Variants in KLHL20 observed in about 807,000 individuals in gnomAD.
KLHL20 encodes kelch-like protein 20.
In KLHL20, 29 loss-of-function variants were observed where a neutral mutation model predicts 69.5. That is an observed-to-expected ratio of 0.42 (90% confidence interval 0.31 to 0.57). The LOEUF is 0.57. Among genes scored for constraint, KLHL20 ranks in the 20% least tolerant of loss-of-function variants. The pLI, the probability that KLHL20 is intolerant of heterozygous loss-of-function variation, is 0.18. For missense variants in KLHL20, 419 were observed against 776.0 expected, an observed-to-expected ratio of 0.54 and a Z score of 5.47; for synonymous variants, 253 against 265.2, an observed-to-expected ratio of 0.95 and a Z score of 0.45.
At chr1:173,738,204 ATTTG>A (rs1201265558) in intron 3 of KLHL20, among the ~76,000 whole-genome samples, 1 of 151,636 alleles carries the variant, frequency 6.6e-6, no homozygotes, top group Admixed American at 6.6e-5. Flanking sequence ...TCTTTATTTC[ATTTG>A]TTTGTTTGTT....
At chr1:173,728,391 A>C (rs534629145) in intron 2 of KLHL20, among the ~76,000 whole-genome samples, 19 of 152,196 alleles carry the variant, frequency 1.2e-4, no homozygotes, top group Non-Finnish European at 2.6e-4. Context: ...CACCAAGTGG[A>C]CCTAATAGAC....
chr1:173,758,790 G>A (rs1673664927), intron 7 of KLHL20, among the ~76,000 whole-genome samples: 1 of 152,220 alleles, frequency 6.6e-6, no homozygotes, highest in Non-Finnish European at 1.5e-5. Flanking sequence ...AGGGTGGCCA[G>A]AGGAGCAGGG....
At chr1:173,730,968 T>C (rs1411750948) in intron 2 of KLHL20, among the ~76,000 whole-genome samples, 4 of 151,956 alleles carry the variant, frequency 2.6e-5, no homozygotes, top group Admixed American at 2.0e-4. Context: ...TGCAATCTAC[T>C]CATCTGACAA....
intron 2 of KLHL20, among the ~76,000 whole-genome samples, chr1:173,726,659 C>G (rs1671979717): frequency 6.6e-6 from 1 of 152,188 alleles, no homozygotes; most frequent in South Asian, 2.1e-4. Context: ...GGACCTCCAG[C>G]AAACTCCAAC....
intron 2 of KLHL20, among the ~76,000 whole-genome samples, chr1:173,721,797 CTT>C (rs1176322119): frequency 1.3e-5 from 2 of 152,182 alleles, no homozygotes; most frequent in African/African-American, 4.8e-5. Flanking sequence ...AGAAGTGACA[CTT>C]TGAGATGTTA....
At chr1:173,730,481 T>C (rs1337413037) in intron 2 of KLHL20, among the ~76,000 whole-genome samples, 1 of 152,078 alleles carries the variant, frequency 6.6e-6, no homozygotes, top group Non-Finnish European at 1.5e-5. Context: ...ACTACAAGGC[T>C]ACAGTAACCA....
Position 173,733,900 on chromosome 1 carries a change from G to A in KLHL20, c.211G>A (p.Val71Met), listed in dbSNP as rs1183035759. 2 of 1,614,146 alleles carry A rather than the reference G, an allele frequency of 1.2e-6. No homozygotes were observed. The highest frequency in any genetic ancestry group is 1.1e-5 in the South Asian group (1 of 91,080). ...AAAGCACCGGGAGCTATGTGATGTG[G>A]TGCTAGTTGTGGGCGCCAAGAAGAT... ...LRKHRELCDV[V>M]LVVGAKKIYA... The change falls in exon 3 of 12, where the codon GTG becomes ATG. Residue 71 changes from valine (V) to methionine (M), a missense_variant. Coordinates refer to ENST00000209884, the MANE Select transcript of KLHL20 (RefSeq NM_014458.4).
Position 173,775,338 on chromosome 1 carries a change from C to T in KLHL20, c.1430-296C>T, listed in dbSNP as rs1166996287. 3.3e-5 allele frequency among the ~76,000 whole-genome samples: 5 copies of T among 152,104 alleles called. No homozygotes were observed. The East Asian group carries it at 5.8e-4, about 18-fold the overall frequency. On this transcript the variant is annotated intron_variant, in intron 9 of 11. Coordinates refer to ENST00000209884, the MANE Select transcript of KLHL20 (RefSeq NM_014458.4). ...TCATGTAGTCAGGCTCCCCATTTAA[C>T]GATAAGGAGAGTGAGGCTGAGAGTC...
intron 8 of KLHL20, among the ~76,000 whole-genome samples, chr1:173,770,809 G>A (rs61827862): frequency 0.1 from 15,321 of 151,734 alleles, 1,043 homozygotes; most frequent in East Asian, 0.23. Flanking sequence ...ACCAAAGGGA[G>A]GAAACAGAAT....
At chr1:173,724,428 A>G (rs1671859327) in intron 2 of KLHL20, among the ~76,000 whole-genome samples, 2 of 152,324 alleles carry the variant, frequency 1.3e-5, no homozygotes, top group African/African-American at 4.8e-5. Flanking sequence ...CACAGTCTAT[A>G]GCAAAATGCT....
At chr1:173,767,557 A>G (rs1248817756) in intron 8 of KLHL20, among the ~76,000 whole-genome samples, 1 of 152,028 alleles carries the variant, frequency 6.6e-6, no homozygotes, top group Non-Finnish European at 1.5e-5. Flanking sequence ...TTTGTTATCT[A>G]TCTTTTTTAA....
At chr1:173,720,181 A>G (rs1294851549) in intron 2 of KLHL20, among the ~76,000 whole-genome samples, 3 of 152,242 alleles carry the variant, frequency 2.0e-5, no homozygotes, top group Non-Finnish European at 4.4e-5. Context: ...ATAGAGATGT[A>G]AACTTAAGAG....
intron 5 of KLHL20, 109 bp downstream of exon 5, chr1:173,753,416 A>G (rs1053401326): frequency 7.9e-5 from 62 of 785,524 alleles, no homozygotes; most frequent in Non-Finnish European, 1.2e-4. Flanking sequence ...AGCTGAAACC[A>G]GGGCTTTAAT....
chr1:173,715,645 G>A, intron 1 of KLHL20: 1 of 175,432 alleles, frequency 5.7e-6, no homozygotes. Flanking sequence ...TACCCTATGT[G>A]ATCTATCAGG....
chr1:173,749,108 T>C (rs1673196899), intron 3 of KLHL20, among the ~76,000 whole-genome samples: 1 of 152,158 alleles, frequency 6.6e-6, no homozygotes, highest in Non-Finnish European at 1.5e-5. Context: ...AAAAAGTCAT[T>C]TGGAGCTTAA....
chr1:173,786,580 C>T lies in KLHL20; in HGVS notation c.*1333C>T, dbSNP rs895086780. The T allele has an allele frequency of 3.9e-5, 6 of 152,288 alleles. No individual in the cohort carries two copies. Among genetic ancestry groups the T allele is most frequent in the Non-Finnish European group, 1.5e-5 (1 of 67,950 alleles). 9.4% of individuals were successfully genotyped at this position (152,288 alleles called of 1,614,324 possible). On this transcript the variant is annotated 3_prime_UTR_variant, in exon 12 of 12. Coordinates refer to ENST00000209884, the MANE Select transcript of KLHL20 (RefSeq NM_014458.4). ...TGTTTACATTTAAAGATCATTTGCA[C>T]CTTTTTCAAGGAAAAAAAGTATTGA...
At chr1:173,720,658 T>C (rs980465865) in intron 2 of KLHL20, among the ~76,000 whole-genome samples, 1 of 152,100 alleles carries the variant, frequency 6.6e-6, no homozygotes, top group Non-Finnish European at 1.5e-5. Context: ...CTGAAGTATA[T>C]CTATGGCAGT....
chr1:173,782,259 C>A, intron 11 of KLHL20, 29 bp downstream of exon 11: 1 of 1,490,358 alleles, frequency 6.7e-7, no homozygotes, highest in Non-Finnish European at 9.4e-7. Context: ...AGCAAATCAC[C>A]TCACTACTGA....
chr1:173,781,384 C>T (rs1282926858), intron 10 of KLHL20, among the ~76,000 whole-genome samples: 2 of 152,018 alleles, frequency 1.3e-5, no homozygotes, highest in Non-Finnish European at 2.9e-5. Flanking sequence ...TACACAATCT[C>T]AGCTCACTGC....
Sources: allele counts gnomAD v4.1 joint callset (sites outside exome capture counted in the v4.1 genomes callset), GRCh38; gene constraint gnomAD v4.1.1; transcripts MANE v1.5; gene names NCBI Gene and HGNC (gene_info 2026-07-23, HGNC 2026-07-21).